Variants in TAFA1 observed in about 807,000 individuals in gnomAD.
TAFA1 encodes TAFA chemokine like family member 1.
Under a neutral mutation model 18.5 loss-of-function variants are expected in TAFA1, and 4 were observed. The ratio of observed to expected loss-of-function variants is 0.22; its 90% CI spans 0.11 to 0.49. The LOEUF (loss-of-function observed/expected upper bound fraction) is 0.49, where lower values mean the gene tolerates loss of function less well. TAFA1 is among the 20% of genes least tolerant of loss of function. TAFA1 has a pLI of 0.98. For missense variants in TAFA1, 147 were observed against 169.0 expected, an observed-to-expected ratio of 0.87 and a Z score of 0.72; for synonymous variants, 56 against 55.2, an observed-to-expected ratio of 1.01 and a Z score of -0.06.
At chr3:68,116,339 A>C (rs1559526101) in intron 2 of TAFA1, among the ~76,000 whole-genome samples, 1 of 152,318 alleles carries the variant, frequency 6.6e-6, no homozygotes, top group South Asian at 2.1e-4. Context: ...TATATTATAC[A>C]CATAAGGAAA....
chr3:68,523,292 G>C (rs923350111), intron 3 of TAFA1, among the ~76,000 whole-genome samples: 1 of 152,096 alleles, frequency 6.6e-6, no homozygotes, highest in East Asian at 1.9e-4. Context: ...CCTAACATTT[G>C]TACTTTAATG....
chr3:68,391,995 A>G (rs1384486050), intron 2 of TAFA1, among the ~76,000 whole-genome samples: 2 of 152,160 alleles, frequency 1.3e-5, no homozygotes, highest in African/African-American at 4.8e-5. Flanking sequence ...ACAGGACCAA[A>G]TTCACACATA....
At chr3:68,183,228 A>G (rs998557631) in intron 2 of TAFA1, among the ~76,000 whole-genome samples, 1 of 152,182 alleles carries the variant, frequency 6.6e-6, no homozygotes, top group Non-Finnish European at 1.5e-5. Context: ...CTTATTGTGC[A>G]TCAAGTATGA....
chr3:68,311,062 G>C (rs1439523682), intron 2 of TAFA1, among the ~76,000 whole-genome samples: 1 of 152,148 alleles, frequency 6.6e-6, no homozygotes, highest in East Asian at 1.9e-4. Context: ...CAACTTACAT[G>C]GATGGTGGCA....
At chr3:68,172,682 G>A (rs1038065230) in intron 2 of TAFA1, among the ~76,000 whole-genome samples, 2 of 152,042 alleles carry the variant, frequency 1.3e-5, no homozygotes, top group African/African-American at 4.8e-5. Context: ...ATATTACTCA[G>A]CTATAAAAAA....
chr3:68,243,355 T>C (rs1456717033), intron 2 of TAFA1, among the ~76,000 whole-genome samples: 1 of 152,014 alleles, frequency 6.6e-6, no homozygotes, highest in East Asian at 1.9e-4. Flanking sequence ...TGTGTGTGTG[T>C]AGATCTATGC....
chr3:68,219,604 G>T (rs1054838664), intron 2 of TAFA1, among the ~76,000 whole-genome samples: 1 of 152,044 alleles, frequency 6.6e-6, no homozygotes, highest in Non-Finnish European at 1.5e-5. Context: ...CTCACATAGG[G>T]CTGTTTGCTT....
intron 2 of TAFA1, among the ~76,000 whole-genome samples, chr3:68,184,386 T>A (rs2066243897): frequency 6.6e-6 from 1 of 152,044 alleles, no homozygotes; most frequent in African/African-American, 2.4e-5. Flanking sequence ...ATTATTAGAG[T>A]CTGTATTTGG....
chr3:68,223,303 C>T (rs959788846), intron 2 of TAFA1, among the ~76,000 whole-genome samples: 4 of 152,118 alleles, frequency 2.6e-5, no homozygotes, highest in East Asian at 3.8e-4. Context: ...CTGGAGTTGT[C>T]GTTCAAAATC....
At chr3:68,246,502 A>G (rs2067080513) in intron 2 of TAFA1, among the ~76,000 whole-genome samples, 1 of 144,834 alleles carries the variant, frequency 6.9e-6, no homozygotes, top group Non-Finnish European at 1.5e-5. Context: ...AGGCAGGAGA[A>G]TGGCGTGAAC....
intron 2 of TAFA1, among the ~76,000 whole-genome samples, chr3:68,066,738 T>C (rs2064683442): frequency 6.6e-6 from 1 of 152,078 alleles, no homozygotes; most frequent in Admixed American, 6.6e-5. Flanking sequence ...GGAATTATGG[T>C]AAGATTATAA....
In TAFA1 at chr3:68,032,342, T is replaced by C. The variant is rs540726676; in HGVS notation, c.118+25598T>C. Among the ~76,000 whole-genome samples, 12 of 152,282 alleles carry C rather than the reference T, an allele frequency of 7.9e-5. No individual in the cohort carries two copies. In the South Asian group the frequency reaches 1.4e-3, roughly 18 times the overall value. On this transcript the variant is annotated intron_variant, in intron 2 of 4. Transcript: ENST00000478136. ...TATATTTAGTCTACCCTTGTTTTGA[T>C]TTCATCATTTCTCTCCTCTTTCCCT...
chr3:68,420,758 A>G (rs913789667), intron 3 of TAFA1, among the ~76,000 whole-genome samples: 6 of 152,144 alleles, frequency 3.9e-5, no homozygotes, highest in Non-Finnish European at 5.9e-5. Context: ...CCCACAACGA[A>G]GAATTCTCGA....
At chr3:68,210,323 G>A (rs1416770801) in intron 2 of TAFA1, among the ~76,000 whole-genome samples, 1 of 151,938 alleles carries the variant, frequency 6.6e-6, no homozygotes, top group Non-Finnish European at 1.5e-5. Context: ...GATGCCTCTG[G>A]GGACCATCCT....
chr3:68,194,634 A>G (rs1346781817), intron 2 of TAFA1, among the ~76,000 whole-genome samples: 1 of 151,804 alleles, frequency 6.6e-6, no homozygotes, highest in Non-Finnish European at 1.5e-5. Context: ...TCAGACTTCC[A>G]GCCTCCAGAA....
chr3:68,110,649 G>A (rs149461348), intron 2 of TAFA1, among the ~76,000 whole-genome samples: 161 of 152,272 alleles, frequency 1.1e-3, no homozygotes, highest in African/African-American at 3.4e-3. Context: ...GTCACACAAT[G>A]CAGATTGAGA....
At chr3:68,510,161 A>G (rs1330331717) in intron 3 of TAFA1, among the ~76,000 whole-genome samples, 2 of 152,062 alleles carry the variant, frequency 1.3e-5, no homozygotes, top group Non-Finnish European at 2.9e-5. Context: ...ATCACTGTCC[A>G]CTAACATAAA....
At chr3:68,487,878 T>C (rs969184276) in intron 3 of TAFA1, among the ~76,000 whole-genome samples, 6 of 151,444 alleles carry the variant, frequency 4.0e-5, no homozygotes, top group Admixed American at 2.0e-4. Context: ...GTGTTGTAGA[T>C]GTTTTTGCTT....
chr3:68,306,767 C>T (rs906773665), intron 2 of TAFA1, among the ~76,000 whole-genome samples: 4 of 152,096 alleles, frequency 2.6e-5, no homozygotes, highest in African/African-American at 9.7e-5. Flanking sequence ...ATCCATGGTG[C>T]TGAATCTCCC....
Sources: gnomAD v4.1 joint callset for allele counts (sites outside exome capture counted in the v4.1 genomes callset) on GRCh38, gnomAD v4.1.1 for gene constraint, MANE v1.5 for transcripts, NCBI Gene and HGNC (gene_info 2026-07-23, HGNC 2026-07-21) for gene names.